SPTB: variants seen among roughly 807,000 people sequenced by gnomAD.
The protein encoded by SPTB is spectrin beta chain, erythrocytic.
Under a neutral mutation model 256.2 loss-of-function variants are expected in SPTB, and 45 were observed. The ratio of observed to expected loss-of-function variants is 0.18; its 90% confidence interval spans 0.14 to 0.23. The LOEUF (loss-of-function observed/expected upper bound fraction) is 0.23. Ranked by LOEUF, SPTB falls within the 10% of genes least tolerant of loss-of-function variation. The pLI is 1.00. For synonymous variants in SPTB, 1,231 were observed against 1,243.1 expected, an observed-to-expected ratio of 0.99 and a Z score of 0.21; for missense variants, 2,715 against 3,040.4, an observed-to-expected ratio of 0.89 and a Z score of 2.52.
rs552995213 is a variant in SPTB, at chr14:64,771,397, G to C, written c.5554-268C>G. Among the ~76,000 whole-genome samples the C allele has an allele frequency of 5.9e-5, 9 of 152,326 alleles. No individual in the cohort carries two copies. In the South Asian group the frequency reaches 1.9e-3, roughly 32 times the overall value. ...TTGATCTCCTCAACAATACACTAAT[G>C]AGAGGAACTACATATCAGGCACTGT... is the stretch of plus-strand genomic sequence containing the variant. On this transcript the variant is annotated intron_variant, in intron 26 of 35. Coordinates refer to ENST00000644917, the MANE Select transcript of SPTB (RefSeq NM_001355436.2).
rs553283843 is a variant in SPTB at position 64,870,511 on chromosome 14, C to T, written c.-52+9281G>A. Among the ~76,000 whole-genome samples, 6 of 152,324 alleles carry T rather than the reference C, an allele frequency of 3.9e-5. No individual in the cohort carries two copies. In the South Asian group the frequency reaches 1.2e-3, roughly 32 times the overall value. ...CTCTACAAAGCAAATTAAACATCAC[C>T]TGCCTGTCCTCTAAAAGTCTACAAT... On this transcript the variant is annotated intron_variant, in intron 1 of 35. Coordinates refer to ENST00000644917, the MANE Select transcript of SPTB (RefSeq NM_001355436.2).
In SPTB at chr14:64,793,061, C is replaced by G; in HGVS notation, c.2602G>C (p.Glu868Gln). ...ATTTCCATCTCGGCCAGCCACTTCT[C>G]CTTCTCTCCCATCCACAGCTCACAG... ...DACELWMGEK[E>Q]KWLAEMEMPD... is the part of the protein sequence containing the mutation. The change falls in exon 14 of 36, where the codon GAG becomes CAG. Residue 868 changes from glutamate (E) to glutamine (Q), a missense_variant. By Grantham distance (29) the Glu-to-Gln change is conservative (BLOSUM62 2). Coordinates refer to ENST00000644917, the MANE Select transcript of SPTB (RefSeq NM_001355436.2). This position sits in a 1 kb window ranked among gnomAD's most constrained non-coding sequence, Gnocchi z 7.0. 6.2e-7 allele frequency: 1 copy of G among 1,614,094 alleles called. No homozygotes were observed. The highest frequency in any genetic ancestry group is 2.2e-5 in the East Asian group (1 of 44,880).
At chr14:64,809,718 T>A (rs1232816223) in intron 2 of SPTB, among the ~76,000 whole-genome samples, 1 of 152,184 alleles carries the variant, frequency 6.6e-6, no homozygotes, top group African/African-American at 2.4e-5. Context: ...ACTGAAGGTG[T>A]GGCAGGGTCA....
intron 1 of SPTB, among the ~76,000 whole-genome samples, chr14:64,843,319 A>G (rs1403523375): frequency 6.6e-6 from 1 of 152,168 alleles, no homozygotes; most frequent in African/African-American, 2.4e-5. Context: ...ACGTCTACAG[A>G]AGAGATGCTT....
chr14:64,771,135 G>C lies in SPTB; in HGVS notation c.5554-6C>G. 1.2e-6 allele frequency: 2 copies of C among 1,613,396 alleles called. No homozygotes were observed. The highest frequency in any genetic ancestry group is 1.7e-6 in the Non-Finnish European group (2 of 1,180,014). ...ACGTCCTGGAACTGCTGCACCTGTGGTCAGGCAAAATCAGACATTGTTCCC... is the reference window on the plus strand; with the variant it reads ...ACGTCCTGGAACTGCTGCACCTGTGCTCAGGCAAAATCAGACATTGTTCCC... On this transcript the variant is annotated splice_region_variant and splice_polypyrimidine_tract_variant and intron_variant, in intron 26 of 35. Transcript: ENST00000644917.
At chr14:64,815,493 G>A (rs2083173936) in intron 2 of SPTB, among the ~76,000 whole-genome samples, 1 of 152,208 alleles carries the variant, frequency 6.6e-6, no homozygotes, top group South Asian at 2.1e-4. Flanking sequence ...AGTGGGTGAA[G>A]GGTCATGGAG....
rs1228388027 is a variant in SPTB, at chr14:64,805,708, G to A, written c.149-618C>T. Among the ~76,000 whole-genome samples, 4 of 152,320 alleles carry A rather than the reference G, an allele frequency of 2.6e-5. No homozygotes were observed. In the South Asian group the frequency reaches 8.3e-4, roughly 32 times the overall value. ...CTCCATAGCTGTATTGTGGCTGTCTGTACAAACATTGATTCTGTTCCTATT... is the reference window on the plus strand; with the variant it reads ...CTCCATAGCTGTATTGTGGCTGTCTATACAAACATTGATTCTGTTCCTATT... On this transcript the variant is annotated intron_variant, in intron 2 of 35. Transcript: ENST00000644917.
In SPTB at chr14:64,793,029, G is replaced by A; in HGVS notation, c.2634C>T (p.Asp878=). The A allele has an allele frequency of 6.2e-7, 1 of 1,613,970 alleles. No homozygotes were observed. Among genetic ancestry groups the A allele is most frequent in the Non-Finnish European group, 8.5e-7 (1 of 1,180,030 alleles). Reference sequence around the variant, plus strand: ...GCACGACCTCCAGGTCCTCCAGGGTGTCTGGCATTTCCATCTCGGCCAGCC... The same window carrying A: ...GCACGACCTCCAGGTCCTCCAGGGTATCTGGCATTTCCATCTCGGCCAGCC... ...EKWLAEMEMP[D]TLEDLEVVQH... is the part of the protein sequence containing the mutation. Residue 878 remains aspartate, a synonymous_variant, in exon 14 of 36, where the codon GAC becomes GAT. Transcript: ENST00000644917. The surrounding 1 kb of genome is among the most constrained non-coding windows in gnomAD (Gnocchi z 7.0).
Position 64,766,740 on chromosome 14 carries a change from C to G in SPTB, c.6331G>C (p.Glu2111Gln), listed in dbSNP as rs758734157. ...CAGAGACTGACCGGGGACGTTCTCT[C>G]GGTGGCCGCATGGTGGGAAACTGGA... is the stretch of plus-strand genomic sequence containing the variant. ...EAPVSHHAAT[E>Q]RTSPGEEEGT... The change falls in exon 32 of 36, where the codon GAG becomes CAG. Residue 2111 changes from glutamate to glutamine, a missense_variant. By Grantham distance (29) the Glu-to-Gln change is conservative. Around this residue, in one of 4 missense-constraint regions of SPTB, gnomAD observed 2,239 missense variants for 2,384.4 expected, o/e 0.94. Coordinates refer to ENST00000644917, the MANE Select transcript of SPTB (RefSeq NM_001355436.2). 6.8e-6 allele frequency: 11 copies of G among 1,613,244 alleles called. No individual in the cohort carries two copies. In the South Asian group the frequency reaches 1.2e-4, roughly 18 times the overall value.
rs1487860339 is a variant in SPTB at position 64,748,529 on chromosome 14, T to A, written c.*777A>T. Reference sequence around the variant, plus strand: ...AATGGTCTGACCTTGCTGCCCTTCCTGGGACCGCCTGTGGTGGCACAAAGG... The same window carrying A: ...AATGGTCTGACCTTGCTGCCCTTCCAGGGACCGCCTGTGGTGGCACAAAGG... On this transcript the variant is annotated 3_prime_UTR_variant, in exon 36 of 36. Transcript: ENST00000644917. 6.6e-6 allele frequency: 1 copy of A among 152,330 alleles called. No homozygotes were observed. Among genetic ancestry groups the A allele is most frequent in the Non-Finnish European group, 1.5e-5 (1 of 68,126 alleles). The allele number at this position is 152,330 out of a possible 1,614,324, so 9.4% of individuals were successfully genotyped here. A position where few individuals can be genotyped will look rare whatever the true frequency, so the allele number is the denominator to read the frequency against.
rs569938838 is a variant in SPTB at position 64,787,270 on chromosome 14, G to C, written c.2805-110C>G. 6.5e-6 allele frequency: 9 copies of C among 1,387,900 alleles called. No individual in the cohort carries two copies. The African/African-American group carries it at 1.0e-4, about 16-fold the overall frequency. 86.0% of individuals were successfully genotyped at this position (1,387,900 alleles called of 1,614,324 possible). On this transcript the variant is annotated intron_variant, in intron 15 of 35. Transcript: ENST00000644917. ...CATTTCCCACAAGTCTCCCCCCACA[G>C]ACTTTGTATGATAAAAAGAAAAAAA...
Position 64,845,974 on chromosome 14 carries a change from A to G in SPTB, c.-51-22829T>C, listed in dbSNP as rs756903172. Reference sequence around the variant, plus strand: ...TTCAGATGAAATTTGTAATGACTTCATGGTCCTTAAAAAACTGAAAATCAC... The same window carrying G: ...TTCAGATGAAATTTGTAATGACTTCGTGGTCCTTAAAAAACTGAAAATCAC... On this transcript the variant is annotated intron_variant, in intron 1 of 35. Transcript: ENST00000644917. The surrounding 1 kb of genome is among the most constrained non-coding windows in gnomAD (Gnocchi z 4.8). Among the ~76,000 whole-genome samples, 1 of 152,188 alleles carries G rather than the reference A, an allele frequency of 6.6e-6. No individual in the cohort carries two copies. Among genetic ancestry groups the G allele is most frequent in the Non-Finnish European group, 1.5e-5 (1 of 68,032 alleles).
At chr14:64,854,831 T>A (rs945743194) in intron 1 of SPTB, among the ~76,000 whole-genome samples, 4 of 152,252 alleles carry the variant, frequency 2.6e-5, no homozygotes, top group Non-Finnish European at 5.9e-5. Context: ...TTGGTATTAT[T>A]TCCTGGTGAA....
intron 1 of SPTB, among the ~76,000 whole-genome samples, chr14:64,858,131 C>T (rs1268097486): frequency 6.6e-6 from 1 of 152,126 alleles, no homozygotes; most frequent in African/African-American, 2.4e-5. Flanking sequence ...CAGGTCAGAC[C>T]GTAGCCAAAG....
At chr14:64,769,536 G>T in intron 28 of SPTB, 54 bp downstream of exon 28, 1 of 1,607,770 alleles carries the variant, frequency 6.2e-7, no homozygotes, top group Non-Finnish European at 8.5e-7. Context: ...TGCCTGGCTG[G>T]CACAGTGGGG....
intron 1 of SPTB, among the ~76,000 whole-genome samples, chr14:64,869,696 A>T (rs1448992169): frequency 6.8e-6 from 1 of 146,304 alleles, no homozygotes; most frequent in Non-Finnish European, 1.5e-5. Context: ...ATCATGGCTC[A>T]CTGCAGCCTC....
chr14:64,809,238 G>A (rs1192204690), intron 2 of SPTB, among the ~76,000 whole-genome samples: 2 of 139,316 alleles, frequency 1.4e-5, no homozygotes, highest in African/African-American at 5.4e-5. Flanking sequence ...CTCCAGCCTG[G>A]GCAACAACAG....
intron 15 of SPTB, among the ~76,000 whole-genome samples, chr14:64,789,712 C>T (rs1333345320): frequency 1.3e-5 from 2 of 152,190 alleles, no homozygotes; most frequent in Admixed American, 1.3e-4. Context: ...CATTTGTTTA[C>T]ATAGTCTAGC....
chr14:64,864,274 TA>T (rs1176309447), intron 1 of SPTB, among the ~76,000 whole-genome samples: 1 of 136,990 alleles, frequency 7.3e-6, no homozygotes, highest in Admixed American at 7.8e-5. Flanking sequence ...CTGGGCAACA[TA>T]ATGAGACTTC....
Sources: gnomAD v4.1 joint callset for allele counts (sites outside exome capture counted in the v4.1 genomes callset) on GRCh38, gnomAD v4.1.1 for gene constraint, gnomAD v4.1.1 regional missense constraint, Gnocchi (gnomAD v3.1) non-coding constraint, MANE v1.5 for transcripts, NCBI Gene and HGNC (gene_info 2026-07-23, HGNC 2026-07-21) for gene names.